Variants in THADA observed in about 807,000 individuals in gnomAD.
THADA encodes the protein THADA armadillo repeat containing.
A neutral mutation model predicts 219.8 loss-of-function variants in THADA; 213 were observed. That is an observed-to-expected ratio of 0.97 (90% confidence interval 0.87 to 1.09). THADA has a LOEUF of 1.09. Ranked by LOEUF, THADA falls within the 50% of genes least tolerant of loss-of-function variation. The pLI is 0.00. For missense variants in THADA, 2,956 were observed against 2,311.3 expected (o/e 1.28, Z -5.72); for synonymous variants, 1,018 against 828.9 (o/e 1.23, Z -3.92).
At chr2:43,245,894 T>C (rs1007158386) in intron 36 of THADA, among the ~76,000 whole-genome samples, 1 of 152,032 alleles carries the variant, frequency 6.6e-6, no homozygotes, top group African/African-American at 2.4e-5. Flanking sequence ...GACTTTAACA[T>C]TACTGCCTCC....
intron 16 of THADA, among the ~76,000 whole-genome samples, chr2:43,557,037 T>G (rs901333627): frequency 6.6e-6 from 1 of 152,160 alleles, no homozygotes; most frequent in Non-Finnish European, 1.5e-5. Flanking sequence ...GAGCAGTGAT[T>G]GCACCACTGT....
intron 36 of THADA, among the ~76,000 whole-genome samples, chr2:43,243,682 CT>C (rs1411957869): frequency 6.6e-6 from 1 of 152,186 alleles, no homozygotes. Context: ...CCGCAGAGCC[CT>C]TTCTGTCTTG....
At chr2:43,307,872 A>G (rs1332900608) in intron 31 of THADA, among the ~76,000 whole-genome samples, 1 of 152,230 alleles carries the variant, frequency 6.6e-6, no homozygotes, top group Non-Finnish European at 1.5e-5. Flanking sequence ...AATATCCTAA[A>G]ATGACAGCAA....
chr2:43,521,084 AAGGGAAGGGAGGAAAGAG>A (rs1692395559), intron 22 of THADA, among the ~76,000 whole-genome samples: 1 of 124,994 alleles, frequency 8.0e-6, no homozygotes, highest in African/African-American at 3.0e-5. Flanking sequence ...GAAGGGAAGG[AAGGGAAGGGAGGAAAGAG>A]AGGGAAGGGA....
chr2:43,564,775 C>T (rs1698472487), intron 15 of THADA: 2 of 152,192 alleles, frequency 1.3e-5, no homozygotes, highest in Admixed American at 1.3e-4. Flanking sequence ...CCATTATCAC[C>T]TATGCAACAT....
At chr2:43,545,617 G>A (rs563466225) in intron 20 of THADA, among the ~76,000 whole-genome samples, 57 of 152,206 alleles carry the variant, frequency 3.7e-4, no homozygotes, top group African/African-American at 1.3e-3. Flanking sequence ...TGTATGTGTC[G>A]AGGAATTTAT....
intron 29 of THADA, among the ~76,000 whole-genome samples, chr2:43,393,694 C>A (rs927511916): frequency 7.0e-6 from 1 of 143,838 alleles, no homozygotes. Context: ...GGCAACAGAG[C>A]GAGACTCCGT....
intron 36 of THADA, among the ~76,000 whole-genome samples, chr2:43,239,939 G>A (rs185517076): frequency 2.0e-5 from 3 of 152,358 alleles, no homozygotes; most frequent in Non-Finnish European, 4.4e-5. Context: ...GGAGGACGCT[G>A]TGTGAAACAT....
intron 36 of THADA, among the ~76,000 whole-genome samples, chr2:43,275,480 T>C (rs370247300): frequency 1.4e-4 from 22 of 152,276 alleles, no homozygotes; most frequent in Non-Finnish European, 8.8e-5. Flanking sequence ...CCTGTCCCCA[T>C]GGCCCATCCA....
intron 22 of THADA, among the ~76,000 whole-genome samples, chr2:43,509,647 T>C (rs1690140640): frequency 6.6e-6 from 1 of 152,332 alleles, no homozygotes; most frequent in East Asian, 1.9e-4. Flanking sequence ...ATTGGGATTT[T>C]TTTTTCTTTA....
At position 43,367,195 on chromosome 2, in the gene THADA, C is replaced by T. The variant is rs72879238; in HGVS notation, c.4228-22958G>A. Among the ~76,000 whole-genome samples, 1,336 of 152,162 alleles carry T rather than the reference C, an allele frequency of 8.8e-3. 22 individuals carry two copies. The highest frequency in any genetic ancestry group is 0.031 in the African/African-American group (1,273 of 41,494). On this transcript the variant is annotated intron_variant, in intron 29 of 37. Transcript: ENST00000405975. ...GGGCTGAGAGAAAGGAGAAATAGGG[C>T]GCTGTTGTTTAATGGGTATAGAGTT... is the stretch of plus-strand genomic sequence containing the variant.
chr2:43,541,262 C>G lies in THADA; in HGVS notation c.3161G>C (p.Trp1054Ser), dbSNP rs1221169976. The G allele has an allele frequency of 6.2e-7, 1 of 1,612,680 alleles. No homozygotes were observed. Reference protein sequence around the residue: ...VTAQMVLVCCWRSMKEVALLL... With the variant: ...VTAQMVLVCCSRSMKEVALLL... ...TAAAGCAACTTCCTTCATACTTCTC[C>G]AACAACATACCAGCACCATCTGCGC... Residue 1054 changes from tryptophan (W) to serine (S), a missense_variant, in exon 21 of 38, where the codon TGG becomes TCG. Transcript: ENST00000405975.
chr2:43,301,753 A>G (rs1371524347), intron 31 of THADA, among the ~76,000 whole-genome samples: 3 of 152,180 alleles, frequency 2.0e-5, no homozygotes, highest in Admixed American at 6.5e-5. Context: ...CTAGCAGTCT[A>G]GTTTTAAAGT....
At chr2:43,533,214 G>C (rs566255487) in intron 21 of THADA, among the ~76,000 whole-genome samples, 3 of 152,182 alleles carry the variant, frequency 2.0e-5, no homozygotes, top group African/African-American at 4.8e-5. Flanking sequence ...AGTTAGAATG[G>C]TAATCATTAA....
At chr2:43,292,275 GTC>G in intron 32 of THADA, 53 bp from the exon 33 acceptor site, 1 of 1,124,168 alleles carries the variant, frequency 8.9e-7, no homozygotes. Context: ...TCAGGGAGAT[GTC>G]TCTAGATGTT....
At chr2:43,530,699 C>A (rs541854977) in intron 21 of THADA, among the ~76,000 whole-genome samples, 1 of 152,326 alleles carries the variant, frequency 6.6e-6, no homozygotes, top group African/African-American at 2.4e-5. Flanking sequence ...GGATTTACAA[C>A]AGTTCATAAT....
intron 29 of THADA, among the ~76,000 whole-genome samples, chr2:43,396,543 A>G (rs1674062076): frequency 6.6e-6 from 1 of 152,180 alleles, no homozygotes; most frequent in African/African-American, 2.4e-5. Flanking sequence ...ACTCATGTCC[A>G]TAATCCCAGC....
chr2:43,511,730 C>G (rs548464232), intron 22 of THADA, among the ~76,000 whole-genome samples: 1 of 152,322 alleles, frequency 6.6e-6, no homozygotes, highest in South Asian at 2.1e-4. Flanking sequence ...ACTGATGAAA[C>G]TTCCTCCAAA....
intron 36 of THADA, among the ~76,000 whole-genome samples, chr2:43,246,450 G>A (rs1046955532): frequency 6.6e-6 from 1 of 151,970 alleles, no homozygotes; most frequent in Admixed American, 6.6e-5. Flanking sequence ...AGCTTAGATT[G>A]CGCCACTGCA....
Sources: allele counts gnomAD v4.1 joint callset (sites outside exome capture counted in the v4.1 genomes callset), GRCh38; gene constraint gnomAD v4.1.1; transcripts MANE v1.5; gene names NCBI Gene and HGNC (gene_info 2026-07-23, HGNC 2026-07-21).